LCMT1: variants seen among roughly 807,000 people sequenced by gnomAD.
The protein encoded by LCMT1 is [Phosphatase 2A protein]-leucine-carboxy methyltransferase 1.
LCMT1 carries 32 observed loss-of-function variants against 47.7 expected under a neutral mutation model. That is an observed-to-expected ratio of 0.67 (90% CI 0.51 to 0.90). The LOEUF is 0.90. LCMT1 is among the 40% of genes least tolerant of loss of function. The pLI is 0.00. For synonymous variants in LCMT1, 152 were observed against 149.7 expected, an observed-to-expected ratio of 1.02 and a Z score of -0.11; for missense variants, 375 against 415.2, an observed-to-expected ratio of 0.90 and a Z score of 0.84.
At chr16:25,151,422 C>T in intron 4 of LCMT1, 132 bp from the exon 5 acceptor site, 2 of 744,986 alleles carry the variant, frequency 2.7e-6, no homozygotes, top group Non-Finnish European at 4.4e-6. Flanking sequence ...AGAGGGGCCC[C>T]TGCTTTGAAC....
chr16:25,131,432 A>T (rs1288994897), intron 2 of LCMT1, among the ~76,000 whole-genome samples: 1 of 152,230 alleles, frequency 6.6e-6, no homozygotes, highest in African/African-American at 2.4e-5. Flanking sequence ...TGTCCAATCC[A>T]TCGCGGATGA....
intron 2 of LCMT1, among the ~76,000 whole-genome samples, chr16:25,131,563 A>G (rs995955924): frequency 6.6e-6 from 1 of 152,254 alleles, no homozygotes; most frequent in African/African-American, 2.4e-5. Flanking sequence ...GTCAAATTGT[A>G]ATAAAGTTTC....
chr16:25,159,253 G>A (rs145657293), intron 5 of LCMT1, among the ~76,000 whole-genome samples: 1 of 152,296 alleles, frequency 6.6e-6, no homozygotes, highest in East Asian at 1.9e-4. Context: ...TCCTAATAGG[G>A]TAGGCAACTA....
chr16:25,132,095 T>G lies in LCMT1; in HGVS notation c.206-307T>G, dbSNP rs746139915. The G allele has an allele frequency of 1.4e-5, 6 of 443,238 alleles. No individual in the cohort carries two copies. In the East Asian group the frequency reaches 3.3e-4, roughly 24 times the overall value. The allele number at this position is 443,238 out of a possible 1,614,324, so 27.5% of individuals were successfully genotyped here. A position where few individuals can be genotyped will look rare whatever the true frequency, so the allele number is the denominator to read the frequency against. On this transcript the variant is annotated intron_variant, in intron 2 of 10. Transcript: ENST00000399069. Reference sequence around the variant, plus strand: ...TCATTATAGCCATGAAAGGCACATTTCCAAGATGGACTTTAGACGTTTCAA... The same window carrying G: ...TCATTATAGCCATGAAAGGCACATTGCCAAGATGGACTTTAGACGTTTCAA...
At chr16:25,158,489 T>G (rs1232510667) in intron 5 of LCMT1, among the ~76,000 whole-genome samples, 4 of 152,218 alleles carry the variant, frequency 2.6e-5, no homozygotes, top group Admixed American at 1.3e-4. Context: ...TTCAGTTGCC[T>G]TACATTTTTC....
chr16:25,178,096 A>G lies in LCMT1; in HGVS notation c.*73A>G, dbSNP rs1412686851. On this transcript the variant is annotated 3_prime_UTR_variant, in exon 11 of 11. Coordinates refer to ENST00000399069, the MANE Select transcript of LCMT1 (RefSeq NM_016309.3). ...CTGGAGGAGACCTGCAAGCTCCCTG[A>G]GCGGTGGGCGGGCCTCGTCCGCAGG... 13 of 1,492,058 alleles carry G rather than the reference A, an allele frequency of 8.7e-6. No individual in the cohort carries two copies. Among genetic ancestry groups the G allele is most frequent in the Non-Finnish European group, 1.2e-5 (13 of 1,074,182 alleles). The allele number at this position is 1,492,058 out of a possible 1,614,324, so 92.4% of individuals were successfully genotyped here.
intron 2 of LCMT1, among the ~76,000 whole-genome samples, chr16:25,131,917 A>G (rs368933815): frequency 2.6e-4 from 40 of 152,330 alleles, no homozygotes; most frequent in African/African-American, 8.4e-4. Flanking sequence ...CATTTTACAT[A>G]GAGACTAACC....
chr16:25,157,150 TTGTGTG>T (rs36066156), intron 5 of LCMT1, among the ~76,000 whole-genome samples: 7 of 149,966 alleles, frequency 4.7e-5, no homozygotes, highest in African/African-American at 1.2e-4. Flanking sequence ...ACACCAGCAC[TTGTGTG>T]TGTGTGTGTG....
chr16:25,148,919 A>G (rs1052144709), intron 4 of LCMT1: 1 of 152,256 alleles, frequency 6.6e-6, no homozygotes, highest in Non-Finnish European at 1.5e-5. Flanking sequence ...GCACGGGGAG[A>G]CGGCAGAGAC....
chr16:25,153,396 T>C (rs980772307), intron 5 of LCMT1, among the ~76,000 whole-genome samples: 1 of 152,056 alleles, frequency 6.6e-6, no homozygotes, highest in African/African-American at 2.4e-5. Flanking sequence ...TGCCGTGTCA[T>C]CCCATGGAGG....
At chr16:25,126,475 C>T (rs867889832) in intron 1 of LCMT1, among the ~76,000 whole-genome samples, 2 of 152,114 alleles carry the variant, frequency 1.3e-5, no homozygotes, top group South Asian at 4.1e-4. Context: ...CGGCCATCCC[C>T]TTCTGAGAGA....
In LCMT1 at chr16:25,177,994, C is replaced by G. The variant is rs878924195; in HGVS notation, c.983-7C>G. 6.2e-7 allele frequency: 1 copy of G among 1,613,678 alleles called. No individual in the cohort carries two copies. Among genetic ancestry groups the G allele is most frequent in the Non-Finnish European group, 8.5e-7 (1 of 1,179,698 alleles). ...TCCTAATGGTGTCTGTGTGTCTCTC[C>G]CCTCAGGGCTGAAGGAGATAACTTA... On this transcript the variant is annotated splice_polypyrimidine_tract_variant and splice_region_variant and intron_variant, in intron 10 of 10. Coordinates refer to ENST00000399069, the MANE Select transcript of LCMT1 (RefSeq NM_016309.3).
Position 25,164,691 on chromosome 16 carries a change from G to C in LCMT1, c.663G>C (p.Glu221Asp), listed in dbSNP as rs780064410. 1 of 1,613,918 alleles carries C rather than the reference G, an allele frequency of 6.2e-7. No individual in the cohort carries two copies. The change falls in exon 7 of 11, where the codon GAG becomes GAC. Residue 221 changes from glutamate (E) to aspartate (D), a missense_variant. Transcript: ENST00000399069. Reference protein sequence around the residue: ...NLLKWAANSFERAMFINYEQV... With the variant: ...NLLKWAANSFDRAMFINYEQV... Reference sequence around the variant, plus strand: ...TGAAGTGGGCAGCCAACAGTTTTGAGAGAGCCATGTTCATAAACTACGAAC... The same window carrying C: ...TGAAGTGGGCAGCCAACAGTTTTGACAGAGCCATGTTCATAAACTACGAAC...
chr16:25,135,289 ATATCT>A, intron 3 of LCMT1, among the ~76,000 whole-genome samples: 1 of 124,692 alleles, frequency 8.0e-6, no homozygotes, highest in African/African-American at 2.5e-5. Flanking sequence ...TTTAAAATAT[ATATCT>A]ATATATATAT....
chr16:25,169,412 C>T, intron 8 of LCMT1, 199 bp downstream of exon 8: 1 of 485,286 alleles, frequency 2.1e-6, no homozygotes, highest in Non-Finnish European at 3.7e-6. Flanking sequence ...TTCCTACACC[C>T]TATTATTTTG....
chr16:25,157,099 A>G (rs1961282433), intron 5 of LCMT1, among the ~76,000 whole-genome samples: 1 of 152,090 alleles, frequency 6.6e-6, no homozygotes, highest in South Asian at 2.1e-4. Context: ...ATCTCTCGAA[A>G]TGCACCTGGC....
intron 1 of LCMT1, among the ~76,000 whole-genome samples, chr16:25,112,541 A>G (rs1403993649): frequency 6.6e-6 from 1 of 152,234 alleles, no homozygotes; most frequent in Admixed American, 6.5e-5. Flanking sequence ...CAGCAGAGGT[A>G]CGTGTCAGAG....
At chr16:25,118,331 C>G (rs769112156) in intron 1 of LCMT1, among the ~76,000 whole-genome samples, 2 of 152,016 alleles carry the variant, frequency 1.3e-5, no homozygotes, top group East Asian at 1.9e-4. Context: ...CTGGAGCATG[C>G]CATTCCCTCT....
intron 8 of LCMT1, 102 bp from the exon 9 acceptor site, chr16:25,170,612 A>G: frequency 1.1e-6 from 1 of 913,784 alleles, no homozygotes; most frequent in South Asian, 1.6e-5. Flanking sequence ...CCTGGGCAAC[A>G]GAATGAGACC....
Sources: gnomAD v4.1 joint callset for allele counts (sites outside exome capture counted in the v4.1 genomes callset) on GRCh38, gnomAD v4.1.1 for gene constraint, MANE v1.5 for transcripts, NCBI Gene and HGNC (gene_info 2026-07-23, HGNC 2026-07-21) for gene names.